GALNT13: variants seen among roughly 807,000 people sequenced by gnomAD.
The protein encoded by GALNT13 is UDP-GalNAc:polypeptide N-acetylgalactosaminyltransferase 13.
Under a neutral mutation model 64.2 loss-of-function variants are expected in GALNT13, and 28 were observed. The ratio of observed to expected loss-of-function variants is 0.44; its 90% CI spans 0.32 to 0.60. The LOEUF is 0.60. Ranked by LOEUF, GALNT13 falls within the 20% of genes least tolerant of loss-of-function variation. GALNT13 has a pLI of 0.05. For synonymous variants in GALNT13, 214 were observed against 224.6 expected (o/e 0.95, Z 0.42); for missense variants, 577 against 669.8 (o/e 0.86, Z 1.53).
At chr2:153,309,557 C>T in the GALNT13 span, among the ~76,000 whole-genome samples, 1 of 151,524 alleles carries the variant, frequency 6.6e-6, no homozygotes, top group Non-Finnish European at 1.5e-5. Flanking sequence ...ATGACACATG[C>T]TCTCCTTGAT....
At chr2:154,385,527 T>A (rs919975621) in intron 9 of GALNT13, among the ~76,000 whole-genome samples, 4 of 152,050 alleles carry the variant, frequency 2.6e-5, no homozygotes, top group African/African-American at 9.7e-5. Context: ...CTTCTGCTAT[T>A]TTCTAAGTAT....
At chr2:153,521,250 C>T in the GALNT13 span, among the ~76,000 whole-genome samples, 11 of 151,858 alleles carry the variant, frequency 7.2e-5, no homozygotes, top group Non-Finnish European at 1.6e-4. Context: ...TTACACAGGA[C>T]CACTATGGTA....
At chr2:153,813,147 T>C in the GALNT13 span, among the ~76,000 whole-genome samples, 1 of 152,314 alleles carries the variant, frequency 6.6e-6, no homozygotes, top group South Asian at 2.1e-4. Flanking sequence ...TGAATTCTTA[T>C]CTGTTTTCAG....
chr2:154,381,595 A>C (rs1355063833), intron 9 of GALNT13, among the ~76,000 whole-genome samples: 1 of 152,062 alleles, frequency 6.6e-6, no homozygotes, highest in Non-Finnish European at 1.5e-5. Context: ...GCACAACAAA[A>C]CGTGAGGGAA....
At chr2:153,519,837 A>G in the GALNT13 span, among the ~76,000 whole-genome samples, 4 of 152,304 alleles carry the variant, frequency 2.6e-5, no homozygotes, top group South Asian at 8.3e-4. Flanking sequence ...GGTTTGTTTT[A>G]GCACTTCAAG....
chr2:154,181,271 G>C (rs879660492), intron 4 of GALNT13, among the ~76,000 whole-genome samples: 12 of 152,060 alleles, frequency 7.9e-5, no homozygotes, highest in Admixed American at 5.2e-4. Context: ...TTTAGCACTA[G>C]GATGAGAATT....
the GALNT13 span, among the ~76,000 whole-genome samples, chr2:153,720,014 A>G: frequency 6.6e-6 from 1 of 150,932 alleles, no homozygotes; most frequent in Non-Finnish European, 1.5e-5. Flanking sequence ...GGCAGGGCAC[A>G]GACAAACAAA....
At chr2:153,314,169 G>A in the GALNT13 span, among the ~76,000 whole-genome samples, 2 of 152,178 alleles carry the variant, frequency 1.3e-5, no homozygotes, top group African/African-American at 4.8e-5. Flanking sequence ...GAGGATCTAA[G>A]CAGCATATTT....
chr2:154,414,092 C>A (rs1699905101), intron 11 of GALNT13, among the ~76,000 whole-genome samples: 1 of 151,958 alleles, frequency 6.6e-6, no homozygotes, highest in African/African-American at 2.4e-5. Context: ...TTCCTTGTAG[C>A]TAAAATCTGG....
chr2:153,759,246 T>C, the GALNT13 span, among the ~76,000 whole-genome samples: 2 of 152,204 alleles, frequency 1.3e-5, no homozygotes, highest in Non-Finnish European at 1.5e-5. Flanking sequence ...TCACCAAACA[T>C]GAACAATTTT....
At position 153,944,491 on chromosome 2, in the gene GALNT13, G is replaced by C. The variant is rs772979116; in HGVS notation, c.-7G>C. ...ATCTGTGTGTTAACTAGAAATCAAG[G>C]AAAGACATGAGGAGATTTGTCTACT... is the stretch of plus-strand genomic sequence containing the variant. On this transcript the variant is annotated 5_prime_UTR_variant, in exon 3 of 13. Coordinates refer to ENST00000392825, the MANE Select transcript of GALNT13 (RefSeq NM_052917.4). 6.2e-7 allele frequency: 1 copy of C among 1,610,722 alleles called. No individual in the cohort carries two copies. The highest frequency in any genetic ancestry group is 8.5e-7 in the Non-Finnish European group (1 of 1,178,340).
intron 3 of GALNT13, among the ~76,000 whole-genome samples, chr2:154,109,471 CTCTTA>C (rs989251525): frequency 6.7e-6 from 1 of 149,122 alleles, no homozygotes; most frequent in Non-Finnish European, 1.5e-5. Flanking sequence ...TTTTTTTTTT[CTCTTA>C]TCTTATTGCT....
intron 9 of GALNT13, among the ~76,000 whole-genome samples, chr2:154,327,559 T>G (rs981203972): frequency 1.3e-5 from 2 of 152,126 alleles, no homozygotes; most frequent in African/African-American, 4.8e-5. Flanking sequence ...TATGTAGATA[T>G]GAAGTGCACT....
chr2:153,931,465 G>A (rs934891584), intron 2 of GALNT13, among the ~76,000 whole-genome samples: 6 of 151,668 alleles, frequency 4.0e-5, no homozygotes, highest in African/African-American at 1.5e-4. Flanking sequence ...TATTCAGTAT[G>A]GTGTTTGTCA....
the GALNT13 span, among the ~76,000 whole-genome samples, chr2:153,432,702 G>A: frequency 6.6e-6 from 1 of 151,902 alleles, no homozygotes; most frequent in Non-Finnish European, 1.5e-5. Flanking sequence ...ACCCTTTGCA[G>A]AGTTTTTGGC....
At chr2:154,110,384 G>A (rs1432130663) in intron 3 of GALNT13, among the ~76,000 whole-genome samples, 1 of 133,040 alleles carries the variant, frequency 7.5e-6, no homozygotes, top group African/African-American at 2.8e-5. Context: ...GAGACAGAGA[G>A]AGAGAGAGAG....
chr2:154,233,803 C>T (rs1689053605), intron 4 of GALNT13, among the ~76,000 whole-genome samples: 1 of 152,010 alleles, frequency 6.6e-6, no homozygotes, highest in Admixed American at 6.6e-5. Context: ...CGGGGACGGT[C>T]CCAGTTGTGC....
At chr2:153,233,952 G>T in the GALNT13 span, among the ~76,000 whole-genome samples, 2 of 152,204 alleles carry the variant, frequency 1.3e-5, 1 homozygote, top group East Asian at 3.9e-4. Flanking sequence ...TATACATTTA[G>T]TTGGGTTCTA....
chr2:154,273,835 A>G (rs1379480062), intron 8 of GALNT13, among the ~76,000 whole-genome samples: 1 of 152,182 alleles, frequency 6.6e-6, no homozygotes, highest in Non-Finnish European at 1.5e-5. Flanking sequence ...TACAGTTACA[A>G]AAGATGTACA....
Sources: allele counts gnomAD v4.1 joint callset (sites outside exome capture counted in the v4.1 genomes callset), GRCh38; gene constraint gnomAD v4.1.1; transcripts MANE v1.5; gene names NCBI Gene and HGNC (gene_info 2026-07-23, HGNC 2026-07-21).